Variants in ABCB5 observed in about 807,000 individuals in gnomAD.
The protein encoded by ABCB5 is ATP-binding cassette sub-family B member 5.
ABCB5 carries 155 observed loss-of-function variants against 144.2 expected under a neutral mutation model. The ratio of observed to expected loss-of-function variants is 1.08; its 90% CI spans 0.94 to 1.23. The LOEUF is 1.23. ABCB5 is among the 50% of genes most tolerant of loss of function. ABCB5 has a pLI of 0.00. For missense variants in ABCB5, 1,830 were observed against 1,520.8 expected, an observed-to-expected ratio of 1.20 and a Z score of -3.38; for synonymous variants, 610 against 528.6, an observed-to-expected ratio of 1.15 and a Z score of -2.11.
chr7:20,664,518 A>G (rs1317056825), intron 14 of ABCB5, among the ~76,000 whole-genome samples: 1 of 152,218 alleles, frequency 6.6e-6, no homozygotes, highest in Non-Finnish European at 1.5e-5. Flanking sequence ...ATTTTTGTAA[A>G]TTAAAATTAT....
rs554478372 is a variant in ABCB5 at position 20,647,475 on chromosome 7, T to C, written c.982-60T>C. Reference sequence around the variant, plus strand: ...CCTAAACCAATAATTATATATTACATTCTATTGTCTTTCTTATATAACTGC... The same window carrying C: ...CCTAAACCAATAATTATATATTACACTCTATTGTCTTTCTTATATAACTGC... On this transcript the variant is annotated intron_variant, in intron 9 of 27. Transcript: ENST00000404938. 1.6e-5 allele frequency: 24 copies of C among 1,497,250 alleles called. No individual in the cohort carries two copies. In the East Asian group the frequency reaches 5.2e-4, roughly 32 times the overall value. 92.7% of individuals were successfully genotyped at this position (1,497,250 alleles called of 1,614,324 possible).
At chr7:20,663,238 C>G (rs12154879) in intron 14 of ABCB5, among the ~76,000 whole-genome samples, 14,796 of 152,226 alleles carry the variant, frequency 0.097, 914 homozygotes, top group Non-Finnish European at 0.13. Flanking sequence ...AATTTCACTT[C>G]TGAGTATATG....
At chr7:20,621,028 AT>A (rs1205670047) in intron 1 of ABCB5, among the ~76,000 whole-genome samples, 1 of 152,166 alleles carries the variant, frequency 6.6e-6, no homozygotes, top group Non-Finnish European at 1.5e-5. Flanking sequence ...CTTTAAAAAA[AT>A]GTACTATATA....
At chr7:20,736,014 G>T (rs1421912458) in intron 23 of ABCB5, among the ~76,000 whole-genome samples, 1 of 152,138 alleles carries the variant, frequency 6.6e-6, no homozygotes, top group African/African-American at 2.4e-5. Flanking sequence ...GATTTAGGGC[G>T]GGAAGAGGTC....
intron 21 of ABCB5, among the ~76,000 whole-genome samples, chr7:20,725,117 G>A (rs1051009266): frequency 6.6e-6 from 1 of 152,126 alleles, no homozygotes; most frequent in African/African-American, 2.4e-5. Context: ...AGCAACCTCA[G>A]ACTATACAAC....
Position 20,740,164 on chromosome 7 carries a change from C to T in ABCB5, c.3024+1025C>T, listed in dbSNP as rs555829685. 1.1e-4 allele frequency among the ~76,000 whole-genome samples: 17 copies of T among 152,244 alleles called. No homozygotes were observed. The Middle Eastern group carries it at 0.014, about 122-fold the overall frequency. ...GCGAGACAGGAGAATCGCTTGAACC[C>T]GGGAGGCGGAGGTTGCAGTGAGCCG... is the stretch of plus-strand genomic sequence containing the variant. On this transcript the variant is annotated intron_variant, in intron 24 of 27. Coordinates refer to ENST00000404938, the MANE Select transcript of ABCB5 (RefSeq NM_001163941.2).
chr7:20,698,105 T>A (rs1400993321), intron 16 of ABCB5, among the ~76,000 whole-genome samples: 2 of 152,192 alleles, frequency 1.3e-5, no homozygotes. Flanking sequence ...CACCTGCCAT[T>A]TCTTTTGTGA....
rs528056344 is a variant in ABCB5 at position 20,675,162 on chromosome 7, A to C, written c.1708-6343A>C. On this transcript the variant is annotated intron_variant, in intron 14 of 27. Transcript: ENST00000404938. ...GAACTCACCCTAAAATTAATAAGAA[A>C]CCACAAAAGATATCAAATATCCAAA... Among the ~76,000 whole-genome samples the C allele has an allele frequency of 5.9e-5, 9 of 152,114 alleles. No homozygotes were observed. The East Asian group carries it at 1.7e-3, about 29-fold the overall frequency.
intron 1 of ABCB5, among the ~76,000 whole-genome samples, chr7:20,622,455 G>A (rs1389982056): frequency 6.6e-6 from 1 of 152,058 alleles, no homozygotes; most frequent in African/African-American, 2.4e-5. Flanking sequence ...CACTTTCAAT[G>A]AGAAGTTTAC....
chr7:20,668,737 C>T (rs559640703), intron 14 of ABCB5, among the ~76,000 whole-genome samples: 2,370 of 138,480 alleles, frequency 0.017, 11 homozygotes, highest in African/African-American at 0.062. Context: ...GGTCAGCCCC[C>T]CGCCCGGCCA....
chr7:20,659,999 T>TA (rs1256587396), intron 14 of ABCB5: 1 of 985,528 alleles, frequency 1.0e-6, no homozygotes, highest in Non-Finnish European at 1.2e-6. Context: ...CATAAGATTT[T>TA]AAAAAATGTA....
In ABCB5 at chr7:20,745,157, G is replaced by A. The variant is rs942138721; in HGVS notation, c.3223-75G>A. The A allele has an allele frequency of 5.7e-6, 8 of 1,409,454 alleles. No individual in the cohort carries two copies. The East Asian group carries it at 1.8e-4, about 32-fold the overall frequency. 87.3% of individuals were successfully genotyped at this position (1,409,454 alleles called of 1,614,324 possible). A position where few individuals can be genotyped will look rare whatever the true frequency, so the allele number is the denominator to read the frequency against. On this transcript the variant is annotated intron_variant, in intron 25 of 27. Coordinates refer to ENST00000404938, the MANE Select transcript of ABCB5 (RefSeq NM_001163941.2). The stretch of plus-strand genomic sequence containing the variant: ...ATCCTTCTTGTTATGATTTGTGTGT[G>A]TTTGAATACAGTGAACTGTAACATG...
chr7:20,655,681 T>C (rs1784763904), intron 13 of ABCB5, among the ~76,000 whole-genome samples: 1 of 152,210 alleles, frequency 6.6e-6, no homozygotes. Context: ...GAAAGTACCT[T>C]ATTCATTGAT....
intron 23 of ABCB5, among the ~76,000 whole-genome samples, chr7:20,735,410 T>A (rs1782351847): frequency 6.6e-6 from 1 of 152,222 alleles, no homozygotes; most frequent in South Asian, 2.1e-4. Flanking sequence ...TGCACCATCA[T>A]CTTTGCCCTA....
At chr7:20,722,357 C>A (rs1781895177) in intron 20 of ABCB5, among the ~76,000 whole-genome samples, 1 of 152,162 alleles carries the variant, frequency 6.6e-6, no homozygotes, top group Non-Finnish European at 1.5e-5. Context: ...ACTCAACTTG[C>A]ACTGGGCTGT....
intron 13 of ABCB5, among the ~76,000 whole-genome samples, chr7:20,654,795 G>C (rs922583176): frequency 2.5e-4 from 38 of 152,024 alleles, no homozygotes; most frequent in African/African-American, 8.0e-4. Flanking sequence ...AAATTGCAAT[G>C]TATTAGTATT....
Position 20,708,689 on chromosome 7 carries a change from A to G in ABCB5, c.2421+3882A>G, listed in dbSNP as rs543635877. On this transcript the variant is annotated intron_variant, in intron 20 of 27. Coordinates refer to ENST00000404938, the MANE Select transcript of ABCB5 (RefSeq NM_001163941.2). ...CTTAACCATTTACACTACTGGTCCA[A>G]TAATGCATGATAAATTCAATTACTT... Among the ~76,000 whole-genome samples the G allele has an allele frequency of 8.5e-5, 13 of 152,314 alleles. No homozygotes were observed. The South Asian group carries it at 1.9e-3, about 22-fold the overall frequency.
At chr7:20,624,713 A>G (rs1783870202) in intron 2 of ABCB5, among the ~76,000 whole-genome samples, 1 of 152,204 alleles carries the variant, frequency 6.6e-6, no homozygotes, top group African/African-American at 2.4e-5. Context: ...GCTCTGGGCC[A>G]TGCTGATTTG....
At chr7:20,619,428 C>G (rs974675567) in intron 1 of ABCB5, among the ~76,000 whole-genome samples, 2 of 152,098 alleles carry the variant, frequency 1.3e-5, no homozygotes, top group Non-Finnish European at 2.9e-5. Flanking sequence ...TTACAATTTT[C>G]TCATGATTAG....
Sources: allele counts gnomAD v4.1 joint callset (sites outside exome capture counted in the v4.1 genomes callset), GRCh38; gene constraint gnomAD v4.1.1; transcripts MANE v1.5; gene names NCBI Gene and HGNC (gene_info 2026-07-23, HGNC 2026-07-21).